The following ARHGAP6 variants were observed in gnomAD, a reference collection of about 807,000 sequenced individuals.
ARHGAP6 encodes the protein rho GTPase-activating protein 6.
ARHGAP6 carries 16 observed loss-of-function variants against 55.7 expected under a neutral mutation model. The observed-to-expected ratio is 0.29, with a 90% CI of 0.19 to 0.44. The LOEUF (loss-of-function observed/expected upper bound fraction) is 0.44, where lower values mean the gene tolerates loss of function less well. Ranked by LOEUF, ARHGAP6 falls within the 20% of genes least tolerant of loss-of-function variation. The pLI is 1.00. For synonymous variants in ARHGAP6, 382 were observed against 360.9 expected, an observed-to-expected ratio of 1.06 and a Z score of -0.66; for missense variants, 698 against 808.9, an observed-to-expected ratio of 0.86 and a Z score of 1.66.
intron 1 of ARHGAP6, among the ~76,000 whole-genome samples, chrX:11,659,944 T>C (rs1172896726): frequency 8.9e-6 from 1 of 111,948 alleles, no homozygotes; most frequent in African/African-American, 3.3e-5. Flanking sequence ...AGGAAATTAA[T>C]ACACCACCAC....
At chrX:11,535,646 C>T (rs1327954779) in intron 1 of ARHGAP6, among the ~76,000 whole-genome samples, 1 of 111,422 alleles carries the variant, frequency 9.0e-6, no homozygotes, top group Non-Finnish European at 1.9e-5. Context: ...CATAACCACC[C>T]GGCATCTCTC....
chrX:11,145,013 G>A lies in ARHGAP6; in HGVS notation c.1908-765C>T, dbSNP rs886120394. On this transcript the variant is annotated intron_variant, in intron 10 of 12. Transcript: ENST00000337414. ...CAGAAACAGAAATAACAGTGAAAATGTATGTGGAACAGAAAAATGAGAACT... is the reference window on the plus strand; with the variant it reads ...CAGAAACAGAAATAACAGTGAAAATATATGTGGAACAGAAAAATGAGAACT... 1.1e-4 allele frequency: 12 copies of A among 112,446 alleles called. No homozygotes were observed. The East Asian group carries it at 3.1e-3, about 29-fold the overall frequency. 9.3% of individuals were successfully genotyped at this position (112,446 alleles called of 1,213,427 possible). A position where few individuals can be genotyped will look rare whatever the true frequency, so the allele number is the denominator to read the frequency against.
intron 1 of ARHGAP6, among the ~76,000 whole-genome samples, chrX:11,579,592 A>C (rs1054704245): frequency 8.9e-6 from 1 of 112,103 alleles, no homozygotes; most frequent in African/African-American, 3.2e-5. Flanking sequence ...TTACCTTCAG[A>C]TATGGAAAAT....
At chrX:11,145,708 G>A (rs983729458) in intron 10 of ARHGAP6, among the ~76,000 whole-genome samples, 1 of 112,362 alleles carries the variant, frequency 8.9e-6, no homozygotes, top group East Asian at 2.8e-4. Flanking sequence ...CATTTGTGGA[G>A]CCCAGTGCAA....
At chrX:11,598,722 TACC>T (rs1265591164) in intron 1 of ARHGAP6, among the ~76,000 whole-genome samples, 1 of 112,402 alleles carries the variant, frequency 8.9e-6, no homozygotes, top group Non-Finnish European at 1.9e-5. Flanking sequence ...GATGTATATG[TACC>T]ACATTTTTAT....
At chrX:11,453,223 T>TATATATATACATA (rs1163214856) in intron 1 of ARHGAP6, among the ~76,000 whole-genome samples, 74 of 95,985 alleles carry the variant, frequency 7.7e-4, no homozygotes, top group African/African-American at 2.7e-3. Context: ...ATATATATGC[T>TATATATATACATA]ATATATATAC....
At chrX:11,471,321 C>G (rs1262216359) in intron 1 of ARHGAP6, among the ~76,000 whole-genome samples, 1 of 111,717 alleles carries the variant, frequency 9.0e-6, no homozygotes, top group Non-Finnish European at 1.9e-5. Context: ...AAAGAAACAA[C>G]AGTATTCTTC....
At chrX:11,384,272 C>T (rs2049299714) in intron 1 of ARHGAP6, among the ~76,000 whole-genome samples, 1 of 111,617 alleles carries the variant, frequency 9.0e-6, no homozygotes, top group Non-Finnish European at 1.9e-5. Flanking sequence ...TAGTTGATTC[C>T]ATGTCTTGTG....
intron 1 of ARHGAP6, among the ~76,000 whole-genome samples, chrX:11,644,368 T>G (rs187638266): frequency 1.5e-4 from 17 of 111,131 alleles, no homozygotes; most frequent in African/African-American, 5.5e-4. Flanking sequence ...AAACTCAACT[T>G]TGCTGCCACT....
intron 1 of ARHGAP6, among the ~76,000 whole-genome samples, chrX:11,474,643 C>T (rs1359815493): frequency 9.0e-6 from 1 of 111,690 alleles, no homozygotes; most frequent in Non-Finnish European, 1.9e-5. Flanking sequence ...TAAAGTGTGG[C>T]ATTCTATGGC....
At chrX:11,424,699 T>A (rs918309684) in intron 1 of ARHGAP6, among the ~76,000 whole-genome samples, 3 of 111,946 alleles carry the variant, frequency 2.7e-5, no homozygotes, top group Non-Finnish European at 5.6e-5. Context: ...AAAATGTAAA[T>A]CTGATTCAGT....
intron 4 of ARHGAP6, among the ~76,000 whole-genome samples, chrX:11,188,488 A>G (rs112054935): frequency 0.034 from 3,753 of 111,844 alleles, 54 homozygotes; most frequent in Middle Eastern, 0.073. Flanking sequence ...TGTTTAGGAG[A>G]GCATGGAGCA....
At chrX:11,172,591 G>C (rs768940223) in intron 8 of ARHGAP6, among the ~76,000 whole-genome samples, 1 of 111,571 alleles carries the variant, frequency 9.0e-6, no homozygotes, top group South Asian at 3.8e-4. Flanking sequence ...CTCTGTTTCC[G>C]CTCTTTCCTT....
intron 1 of ARHGAP6, among the ~76,000 whole-genome samples, chrX:11,660,547 A>AC (rs2052688748): frequency 1.9e-5 from 1 of 52,397 alleles, no homozygotes; most frequent in Non-Finnish European, 4.1e-5. Context: ...AAAAAAAAAA[A>AC]AAAAAAAAAA....
At chrX:11,169,185 C>T (rs1023867188) in intron 9 of ARHGAP6, 6 of 175,379 alleles carry the variant, frequency 3.4e-5, no homozygotes, top group African/African-American at 1.5e-4. Flanking sequence ...ATGAGGGACA[C>T]AATTCCATAA....
chrX:11,336,316 G>A (rs1332547883), intron 1 of ARHGAP6, among the ~76,000 whole-genome samples: 2 of 110,872 alleles, frequency 1.8e-5, no homozygotes, highest in African/African-American at 3.3e-5. Context: ...CTGTATTTTC[G>A]CCAAAGGAGT....
At chrX:11,545,244 A>G (rs1395080484) in intron 1 of ARHGAP6, among the ~76,000 whole-genome samples, 1 of 112,619 alleles carries the variant, frequency 8.9e-6, no homozygotes, top group East Asian at 2.8e-4. Context: ...TTGGCAAGCT[A>G]ATGTTTAATT....
At chrX:11,427,316 G>A (rs1417716934) in intron 1 of ARHGAP6, among the ~76,000 whole-genome samples, 1 of 112,264 alleles carries the variant, frequency 8.9e-6, no homozygotes, top group Non-Finnish European at 1.9e-5. Context: ...ACAGCGTTGG[G>A]GCAAAGAAAC....
At chrX:11,168,085 A>G (rs2046040393) in intron 9 of ARHGAP6, among the ~76,000 whole-genome samples, 1 of 111,624 alleles carries the variant, frequency 9.0e-6, no homozygotes. Context: ...GTTCTGGCCA[A>G]TGAGATTTGA....
Sources: gnomAD v4.1 joint callset for allele counts (sites outside exome capture counted in the v4.1 genomes callset) on GRCh38, gnomAD v4.1.1 for gene constraint, MANE v1.5 for transcripts, NCBI Gene and HGNC (gene_info 2026-07-23, HGNC 2026-07-21) for gene names.